Variants in MAF observed in about 807,000 individuals in gnomAD.
MAF encodes MAF bZIP transcription factor.
In MAF, 10 loss-of-function variants were observed where a neutral mutation model predicts 22.0. The observed-to-expected ratio is 0.45, with a 90% CI of 0.28 to 0.77. The LOEUF is 0.77. Ranked by LOEUF, MAF falls within the 30% of genes least tolerant of loss-of-function variation. The probability of loss-of-function intolerance (pLI) is 0.12; values close to 1 mark genes in which losing one functional copy is unlikely to be tolerated. For synonymous variants in MAF, 337 were observed against 255.8 expected, an observed-to-expected ratio of 1.32 and a Z score of -3.03; for missense variants, 544 against 548.4, an observed-to-expected ratio of 0.99 and a Z score of 0.08.
chr16:79,289,814 C>A, the MAF span, among the ~76,000 whole-genome samples: 3 of 149,828 alleles, frequency 2.0e-5, no homozygotes, highest in Admixed American at 1.3e-4. Flanking sequence ...GGCAGGCTGT[C>A]CCCTCAGGGA....
At chr16:79,337,043 T>C in the MAF span, among the ~76,000 whole-genome samples, 2 of 152,146 alleles carry the variant, frequency 1.3e-5, no homozygotes, top group Non-Finnish European at 2.9e-5. Flanking sequence ...TGTTTAGAAA[T>C]AGGCTCTGGC....
chr16:79,410,037 T>C, the MAF span, among the ~76,000 whole-genome samples: 1 of 152,190 alleles, frequency 6.6e-6, no homozygotes, highest in Admixed American at 6.5e-5. Flanking sequence ...ATTGAAAACC[T>C]AACTTAGGAG....
the MAF span, among the ~76,000 whole-genome samples, chr16:79,293,876 A>G: frequency 6.6e-6 from 1 of 151,964 alleles, no homozygotes; most frequent in South Asian, 2.1e-4. Context: ...AGAGAAAGAG[A>G]GGAGAAAAGC....
chr16:79,257,870 A>C, the MAF span, among the ~76,000 whole-genome samples: 3 of 152,204 alleles, frequency 2.0e-5, no homozygotes, highest in African/African-American at 7.2e-5. Context: ...TTTGAAAGGC[A>C]TAGAGATGTG....
the MAF span, among the ~76,000 whole-genome samples, chr16:79,511,505 T>C: frequency 6.6e-6 from 1 of 152,132 alleles, no homozygotes; most frequent in African/African-American, 2.4e-5. Flanking sequence ...CATTGCTGCA[T>C]TTAACAAATT....
the MAF span, among the ~76,000 whole-genome samples, chr16:79,405,802 G>C: frequency 5.3e-5 from 8 of 152,282 alleles, no homozygotes; most frequent in Middle Eastern, 6.8e-3. Flanking sequence ...AGAGGTAGGA[G>C]GTGCTCGCCT....
chr16:79,205,883 G>C, the MAF span: 2 of 152,194 alleles, frequency 1.3e-5, no homozygotes, highest in Admixed American at 6.5e-5. Context: ...ACATGCGTGG[G>C]AACTGATAAG....
At chr16:79,475,805 G>A in the MAF span, among the ~76,000 whole-genome samples, 2 of 152,158 alleles carry the variant, frequency 1.3e-5, no homozygotes, top group African/African-American at 4.8e-5. Context: ...TGTGTGATGA[G>A]TTCATGAGGG....
At chr16:79,239,514 G>C in the MAF span, among the ~76,000 whole-genome samples, 1 of 152,062 alleles carries the variant, frequency 6.6e-6, no homozygotes, top group African/African-American at 2.4e-5. Context: ...CACTGGGTTG[G>C]ATGGATAAAA....
the MAF span, among the ~76,000 whole-genome samples, chr16:79,545,587 G>C: frequency 6.6e-6 from 1 of 150,986 alleles, no homozygotes; most frequent in Non-Finnish European, 1.5e-5. Context: ...AGAAATTTTT[G>C]TAAGTATCAC....
At chr16:79,434,345 G>A in the MAF span, among the ~76,000 whole-genome samples, 2 of 152,220 alleles carry the variant, frequency 1.3e-5, no homozygotes, top group African/African-American at 4.8e-5. Context: ...ATGGAGAGAG[G>A]GGGAACCTTA....
At chr16:79,483,954 CAACTT>C in the MAF span, among the ~76,000 whole-genome samples, 1 of 152,110 alleles carries the variant, frequency 6.6e-6, no homozygotes, top group African/African-American at 2.4e-5. Flanking sequence ...GTAGAGTGGC[CAACTT>C]GACAAATACC....
the MAF span, among the ~76,000 whole-genome samples, chr16:79,364,424 A>T: frequency 6.6e-6 from 1 of 152,176 alleles, no homozygotes; most frequent in African/African-American, 2.4e-5. Flanking sequence ...CACACAGAAG[A>T]TGCTCCAGCC....
the MAF span, among the ~76,000 whole-genome samples, chr16:79,527,711 TGTGTAGGAA>T: frequency 6.6e-6 from 1 of 152,084 alleles, no homozygotes. Flanking sequence ...GGGGTGGTGA[TGTGTAGGAA>T]GTTCACTTCA....
At chr16:79,503,607 TC>T in the MAF span, among the ~76,000 whole-genome samples, 4 of 152,204 alleles carry the variant, frequency 2.6e-5, no homozygotes, top group African/African-American at 7.2e-5. Context: ...CTGACTCTAC[TC>T]TCCAGAGTGT....
downstream of MAF, among the ~76,000 whole-genome samples, chr16:79,589,049 C>G (rs1209643509): frequency 1.3e-5 from 2 of 152,122 alleles, no homozygotes; most frequent in African/African-American, 4.8e-5. Context: ...ATGTATCTAT[C>G]TGTGCATGAA....
At chr16:79,582,458 C>T (rs1409819770), downstream of MAF, among the ~76,000 whole-genome samples, 1 of 152,118 alleles carries the variant, frequency 6.6e-6, no homozygotes, top group African/African-American at 2.4e-5. Context: ...TTCAATAGTA[C>T]CCCAGAGTTG....
chr16:79,213,810 T>G, the MAF span, among the ~76,000 whole-genome samples: 1 of 152,222 alleles, frequency 6.6e-6, no homozygotes, highest in Non-Finnish European at 1.5e-5. Flanking sequence ...AAAAGTTTAT[T>G]TTAAGCCACT....
the MAF span, among the ~76,000 whole-genome samples, chr16:79,389,367 T>C: frequency 6.6e-6 from 1 of 152,146 alleles, no homozygotes; most frequent in Non-Finnish European, 1.5e-5. Context: ...GTTCAAGTGA[T>C]TCTGCCTCAG....
Sources: allele counts gnomAD v4.1 joint callset (sites outside exome capture counted in the v4.1 genomes callset), GRCh38; gene constraint gnomAD v4.1.1; transcripts MANE v1.5; gene names NCBI Gene and HGNC (gene_info 2026-07-23, HGNC 2026-07-21).